ALDH1L1: variants seen among roughly 807,000 people sequenced by gnomAD.
ALDH1L1 encodes aldehyde dehydrogenase 1 family member L1.
In ALDH1L1, 68 loss-of-function variants were observed where a neutral mutation model predicts 101.1. That is an observed-to-expected ratio of 0.67 (90% CI 0.55 to 0.82). The LOEUF (loss-of-function observed/expected upper bound fraction) is 0.82. Among genes scored for constraint, ALDH1L1 ranks in the 40% least tolerant of loss-of-function variants. The pLI is 0.00. For synonymous variants in ALDH1L1, 486 were observed against 470.8 expected (o/e 1.03, Z -0.42); for missense variants, 1,087 against 1,172.7 (o/e 0.93, Z 1.07).
At position 126,131,389 on chromosome 3, in the gene ALDH1L1, T is replaced by C. The variant is rs2080300377; in HGVS notation, c.1618A>G (p.Ile540Val). The C allele has an allele frequency of 1.3e-6, 2 of 1,599,178 alleles. No homozygotes were observed. The highest frequency in any genetic ancestry group is 1.7e-6 in the Non-Finnish European group (2 of 1,168,180). The change falls in exon 13 of 23, where the codon ATC becomes GTC. Residue 540 changes from isoleucine to valine, a missense_variant. Physicochemically the swap from Ile to Val is conservative, Grantham distance 29. Around this residue, in one of 2 missense-constraint regions of ALDH1L1, gnomAD observed 442 missense variants for 535.7 expected, o/e 0.83. Coordinates refer to ENST00000393434, the MANE Select transcript of ALDH1L1 (RefSeq NM_012190.4). ...FRYFAGWCDK[I>V]QGSTIPINQA... ...GGTGGGAGCCTGGGCCCCACCTGGA[T>C]CTTGTCACACCAGCCAGCAAAGTAG... is the stretch of plus-strand genomic sequence containing the variant.
chr3:126,130,384 G>C (rs2080277581), intron 13 of ALDH1L1, 91 bp from the exon 14 acceptor site: 4 of 1,232,500 alleles, frequency 3.2e-6, no homozygotes, highest in Non-Finnish European at 4.4e-6. Context: ...TCTCCAGGAG[G>C]AAGTCAAAGC....
At chr3:126,122,468 T>C (rs550873746) in intron 16 of ALDH1L1, among the ~76,000 whole-genome samples, 3 of 152,328 alleles carry the variant, frequency 2.0e-5, no homozygotes, top group South Asian at 2.1e-4. Flanking sequence ...TGACACCAGA[T>C]AGTAGCTCAA....
At chr3:126,136,654 T>G (rs2080451578) in intron 11 of ALDH1L1, 110 bp downstream of exon 11, 2 of 1,477,702 alleles carry the variant, frequency 1.4e-6, no homozygotes, top group Non-Finnish European at 1.8e-6. Context: ...CAAAGGCACA[T>G]GTCCAAGCAG....
At chr3:126,115,564 G>GTTT (rs137996522) in intron 17 of ALDH1L1, 14,916 of 150,860 alleles carry the variant, frequency 0.099, 745 homozygotes, top group East Asian at 0.17. Flanking sequence ...AGTTTTGTTT[G>GTTT]TTTGTTTTGT....
chr3:126,146,843 G>A lies in ALDH1L1; in HGVS notation c.1068C>T (p.Asp356=), dbSNP rs750958717. The A allele has an allele frequency of 3.6e-5, 58 of 1,613,874 alleles. 1 individual carries two copies. The highest frequency in any genetic ancestry group is 4.5e-5 in the East Asian group (2 of 44,882). ...DFFKSGAASV[D]VVRLVEEVKE... ...TCCACTCCTGGCCTTACCTCACAAC[G>A]TCCACAGACGCGGCCCCTGACTTGA... Residue 356 remains aspartate (D), a synonymous_variant, in exon 9 of 23, where the codon GAC becomes GAT. Transcript: ENST00000393434.
At chr3:126,146,697 C>T in intron 9 of ALDH1L1, 138 bp downstream of exon 9, 2 of 833,150 alleles carry the variant, frequency 2.4e-6, no homozygotes, top group South Asian at 1.7e-5. Context: ...CGCAGACCTG[C>T]ACACTGGCCC....
At chr3:126,173,475 A>G (rs2081319148) in intron 1 of ALDH1L1, among the ~76,000 whole-genome samples, 1 of 152,226 alleles carries the variant, frequency 6.6e-6, no homozygotes, top group South Asian at 2.1e-4. Flanking sequence ...GCTAAGAGAG[A>G]AAAGAAAATG....
At chr3:126,140,445 G>C (rs1411400255) in intron 9 of ALDH1L1, among the ~76,000 whole-genome samples, 3 of 152,092 alleles carry the variant, frequency 2.0e-5, no homozygotes, top group Non-Finnish European at 2.9e-5. Flanking sequence ...CCATAGACTT[G>C]ATGACACAAT....
rs887043210 is a variant in ALDH1L1, at chr3:126,113,612, C to T, written c.2083-732G>A. Among the ~76,000 whole-genome samples, 95 of 152,328 alleles carry T rather than the reference C, an allele frequency of 6.2e-4. 1 individual carries two copies. Among genetic ancestry groups the T allele is most frequent in the African/African-American group, 2.1e-3 (86 of 41,584 alleles). On this transcript the variant is annotated intron_variant, in intron 18 of 22. Transcript: ENST00000393434. ...AGATCCCCGTGCTGATGGGTTCACC[C>T]GGGCCCGTGAACAAGGCCCTTGCCT...
At chr3:126,154,071 A>G (rs1456757806) in intron 6 of ALDH1L1, among the ~76,000 whole-genome samples, 1 of 152,100 alleles carries the variant, frequency 6.6e-6, no homozygotes. Flanking sequence ...GGGGGACAAG[A>G]CTGCCCTCAA....
At chr3:126,141,108 C>A (rs2108261438) in intron 9 of ALDH1L1, among the ~76,000 whole-genome samples, 1 of 152,032 alleles carries the variant, frequency 6.6e-6, no homozygotes, top group East Asian at 1.9e-4. Context: ...AGAAAATATT[C>A]CATGCAAATA....
Position 126,150,527 on chromosome 3 carries a change from A to T in ALDH1L1, c.863T>A (p.Leu288Gln). The T allele has an allele frequency of 6.4e-7, 1 of 1,550,428 alleles. No homozygotes were observed. Among genetic ancestry groups the T allele is most frequent in the Non-Finnish European group, 8.7e-7 (1 of 1,146,348 alleles). The change falls in exon 8 of 23, where the codon CTG (leucine) becomes CAG (glutamine). Residue 288 changes from leucine (L) to glutamine (Q), a missense_variant. Coordinates refer to ENST00000393434, the MANE Select transcript of ALDH1L1 (RefSeq NM_012190.4). ...ILFGNDDKML[L>Q]VKNIQLEDGK... Reference sequence around the variant, plus strand: ...ATCCTCCAGCTGAATATTCTTCACCAGCAGCTGCAAAAGGAAGGATTTCTT... The same window carrying T: ...ATCCTCCAGCTGAATATTCTTCACCTGCAGCTGCAAAAGGAAGGATTTCTT...
intron 1 of ALDH1L1, among the ~76,000 whole-genome samples, chr3:126,190,502 GT>G (rs1443407022): frequency 6.6e-6 from 1 of 152,162 alleles, no homozygotes; most frequent in Non-Finnish European, 1.5e-5. Context: ...GAATTTACGT[GT>G]TTTCAGATAC....
Position 126,174,612 on chromosome 3 carries a change from A to T in ALDH1L1, c.-24+5864T>A, listed in dbSNP as rs940982770. ...AACAGAAAGATATCTGAAAAACATTAAAAAAATGGAAACTAAATGACACAC... is the reference window on the plus strand; with the variant it reads ...AACAGAAAGATATCTGAAAAACATTTAAAAAATGGAAACTAAATGACACAC... On this transcript the variant is annotated intron_variant, in intron 1 of 22. Coordinates refer to ENST00000393434, the MANE Select transcript of ALDH1L1 (RefSeq NM_012190.4). Among the ~76,000 whole-genome samples the T allele has an allele frequency of 3.3e-5, 5 of 152,286 alleles. No homozygotes were observed. The East Asian group carries it at 9.6e-4, about 29-fold the overall frequency.
intron 6 of ALDH1L1, 135 bp downstream of exon 6, chr3:126,154,419 G>T: frequency 1.2e-6 from 1 of 866,774 alleles, no homozygotes; most frequent in East Asian, 2.5e-5. Context: ...GGGATGTTTA[G>T]GGGGCACCCA....
intron 17 of ALDH1L1, chr3:126,115,355 C>T (rs996595445): frequency 1.7e-5 from 5 of 300,564 alleles, no homozygotes; most frequent in Admixed American, 4.8e-5. Flanking sequence ...GAGGCCTCCT[C>T]TGCAGAAGCA....
At chr3:126,122,527 T>C (rs57896987) in intron 16 of ALDH1L1, among the ~76,000 whole-genome samples, 17,192 of 152,156 alleles carry the variant, frequency 0.11, 1,049 homozygotes, top group East Asian at 0.17. Context: ...TCAGATAACA[T>C]ATAAACTCTG....
intron 1 of ALDH1L1, among the ~76,000 whole-genome samples, chr3:126,197,229 T>G (rs1351595394): frequency 6.6e-6 from 1 of 152,244 alleles, no homozygotes; most frequent in Non-Finnish European, 1.5e-5. Flanking sequence ...TTTCGCTGTT[T>G]CTGTAAGACT....
intron 1 of ALDH1L1, among the ~76,000 whole-genome samples, chr3:126,174,052 TG>T (rs869088132): frequency 4.6e-5 from 7 of 152,132 alleles, no homozygotes; most frequent in Non-Finnish European, 1.0e-4. Context: ...ACGTTTTTTT[TG>T]GGGGGGCGGA....
Sources: allele counts gnomAD v4.1 joint callset (sites outside exome capture counted in the v4.1 genomes callset), GRCh38; gene constraint gnomAD v4.1.1; regional missense constraint gnomAD v4.1.1; transcripts MANE v1.5; gene names NCBI Gene and HGNC (gene_info 2026-07-23, HGNC 2026-07-21).